Variants in MSI2 observed in about 807,000 individuals in gnomAD.
MSI2 encodes musashi RNA binding protein 2, also known as RNA-binding protein Musashi homolog 2.
Under a neutral mutation model 45.6 loss-of-function variants are expected in MSI2, and 17 were observed. The observed-to-expected ratio is 0.37, with a 90% CI of 0.26 to 0.56. The LOEUF (loss-of-function observed/expected upper bound fraction) is 0.56. Ranked by LOEUF, MSI2 falls within the 20% of genes least tolerant of loss-of-function variation. MSI2 has a pLI of 0.77. For synonymous variants in MSI2, 156 were observed against 158.2 expected, an observed-to-expected ratio of 0.99 and a Z score of 0.11; for missense variants, 293 against 444.2, an observed-to-expected ratio of 0.66 and a Z score of 3.06.
chr17:57,348,468 G>A (rs1242761935), intron 5 of MSI2, among the ~76,000 whole-genome samples: 1 of 152,202 alleles, frequency 6.6e-6, no homozygotes, highest in Non-Finnish European at 1.5e-5. Flanking sequence ...CAAGGGGGCA[G>A]ATCCCTCAGG....
rs115985780 is a variant in MSI2, at chr17:57,617,497, G to A, written c.652+1413G>A. On this transcript the variant is annotated intron_variant, in intron 9 of 13. Transcript: ENST00000284073. ...ACTAAATATACCTATATTTAAGAGT[G>A]TGATTTTAAAAATCAGTGATAATTA... Among the ~76,000 whole-genome samples the A allele has an allele frequency of 8.4e-3, 1,287 of 152,328 alleles. 20 individuals are homozygous for A. Among genetic ancestry groups the A allele is most frequent in the African/African-American group, 0.029 (1,216 of 41,562 alleles).
At chr17:57,588,770 A>G (rs1192859264) in intron 7 of MSI2, among the ~76,000 whole-genome samples, 1 of 152,214 alleles carries the variant, frequency 6.6e-6, no homozygotes, top group African/African-American at 2.4e-5. Flanking sequence ...ACAGGGAAAC[A>G]TGACAGAGAC....
chr17:57,336,768 T>C (rs1024973150), intron 5 of MSI2, among the ~76,000 whole-genome samples: 1 of 152,184 alleles, frequency 6.6e-6, no homozygotes, highest in Non-Finnish European at 1.5e-5. Flanking sequence ...GGAACTAAAA[T>C]GTGTGTTATT....
At chr17:57,454,194 G>C (rs962914774) in intron 6 of MSI2, among the ~76,000 whole-genome samples, 2 of 152,172 alleles carry the variant, frequency 1.3e-5, no homozygotes, top group Non-Finnish European at 2.9e-5. Flanking sequence ...AGCTCGGGGC[G>C]GAGTGATGAT....
chr17:57,458,075 T>C (rs1210846528), intron 6 of MSI2, among the ~76,000 whole-genome samples: 1 of 151,432 alleles, frequency 6.6e-6, no homozygotes, highest in African/African-American at 2.4e-5. Flanking sequence ...TTTAATAAAC[T>C]ATATTAGCCT....
intron 5 of MSI2, among the ~76,000 whole-genome samples, chr17:57,330,910 C>CTTTTTT (rs375960048): frequency 4.8e-5 from 7 of 144,902 alleles, no homozygotes; most frequent in Admixed American, 1.4e-4. Context: ...AGGTTTTATT[C>CTTTTTT]TTTTTTTTTG....
rs528827613 is a variant in MSI2, at chr17:57,299,427, G to A, written c.312+37235G>A. On this transcript the variant is annotated intron_variant, in intron 5 of 13. Transcript: ENST00000284073. The stretch of plus-strand genomic sequence containing the variant: ...TCCTAGCTTTTGATTTAAAGTGAGA[G>A]ACACGTAACTCCTCCTTTCACGTGA... 4.1e-4 allele frequency among the ~76,000 whole-genome samples: 62 copies of A among 152,278 alleles called. No individual in the cohort carries two copies. The Middle Eastern group carries it at 0.01, about 25-fold the overall frequency.
chr17:57,575,121 T>C (rs150992456), intron 7 of MSI2, among the ~76,000 whole-genome samples: 4,158 of 150,628 alleles, frequency 0.028, 73 homozygotes, highest in Middle Eastern at 0.058. Context: ...TGAGCCACTG[T>C]GCCCGGCCGC....
chr17:57,642,363 G>C (rs1043866103), intron 10 of MSI2, among the ~76,000 whole-genome samples: 1 of 152,184 alleles, frequency 6.6e-6, no homozygotes, highest in Non-Finnish European at 1.5e-5. Context: ...CCATCTCTGA[G>C]GACTGAGTCT....
In MSI2 at chr17:57,681,061, T is replaced by A; in HGVS notation, c.*1544T>A. 1 of 184,744 alleles carries A rather than the reference T, an allele frequency of 5.4e-6. No homozygotes were observed. Among genetic ancestry groups the A allele is most frequent in the Non-Finnish European group, 1.1e-5 (1 of 87,136 alleles). The allele number at this position is 184,744 out of a possible 1,614,324, so 11.4% of individuals were successfully genotyped here. A position where few individuals can be genotyped will look rare whatever the true frequency, so the allele number is the denominator to read the frequency against. On this transcript the variant is annotated 3_prime_UTR_variant, in exon 14 of 14. Transcript: ENST00000284073. ...ATCACCAGAGAGGCTATGGAAGAAT[T>A]TTTTTTTAATTTATTGTAGATGTAA...
chr17:57,473,998 C>A (rs994730595), intron 6 of MSI2, among the ~76,000 whole-genome samples: 31 of 152,210 alleles, frequency 2.0e-4, no homozygotes, highest in African/African-American at 7.0e-4. Flanking sequence ...TTTCCTTCTC[C>A]CTCCTCTTCT....
downstream of MSI2, among the ~76,000 whole-genome samples, chr17:57,688,815 A>T (rs118080596): frequency 0.017 from 2,595 of 152,214 alleles, 30 homozygotes; most frequent in Non-Finnish European, 0.029. Context: ...GGGGGATAGG[A>T]AGAGGTGACA....
At chr17:57,505,370 G>T (rs1461561795) in intron 6 of MSI2, among the ~76,000 whole-genome samples, 1 of 152,170 alleles carries the variant, frequency 6.6e-6, no homozygotes, top group Non-Finnish European at 1.5e-5. Flanking sequence ...GAGTTACAGA[G>T]AGGGGGTAGA....
At chr17:57,435,710 G>A (rs541868742) in intron 6 of MSI2, among the ~76,000 whole-genome samples, 1 of 152,320 alleles carries the variant, frequency 6.6e-6, no homozygotes, top group Admixed American at 6.5e-5. Flanking sequence ...AGGGCCTCAG[G>A]GCTATGCTGT....
intron 5 of MSI2, among the ~76,000 whole-genome samples, chr17:57,281,626 G>C (rs552952279): frequency 6.6e-6 from 1 of 152,248 alleles, no homozygotes; most frequent in South Asian, 2.1e-4. Context: ...GCTTTAAAAA[G>C]CCTTGTTTCC....
chr17:57,514,165 G>C (rs775571948), intron 6 of MSI2, among the ~76,000 whole-genome samples: 1 of 152,110 alleles, frequency 6.6e-6, no homozygotes, highest in African/African-American at 2.4e-5. Context: ...TATTTCAAGG[G>C]GGTCTTGAGA....
chr17:57,288,091 A>C (rs1213489105), intron 5 of MSI2, among the ~76,000 whole-genome samples: 1 of 152,186 alleles, frequency 6.6e-6, no homozygotes, highest in East Asian at 1.9e-4. Context: ...CTTTGGAGAC[A>C]GTTCTGGGAT....
intron 6 of MSI2, among the ~76,000 whole-genome samples, chr17:57,473,520 G>T (rs759567848): frequency 2.0e-5 from 3 of 152,174 alleles, no homozygotes; most frequent in Admixed American, 6.5e-5. Flanking sequence ...CCGTCGGGGG[G>T]CCTCTGGGAA....
chr17:57,286,221 C>T (rs1279351472), intron 5 of MSI2, among the ~76,000 whole-genome samples: 1 of 151,628 alleles, frequency 6.6e-6, no homozygotes, highest in Non-Finnish European at 1.5e-5. Context: ...ATTAAGGAAA[C>T]AACAAATAGT....
Sources: allele counts gnomAD v4.1 joint callset (sites outside exome capture counted in the v4.1 genomes callset), GRCh38; gene constraint gnomAD v4.1.1; transcripts MANE v1.5; gene names NCBI Gene and HGNC (gene_info 2026-07-23, HGNC 2026-07-21).